The following DNAJB13 variants were observed in gnomAD, a reference collection of about 807,000 sequenced individuals.
DNAJB13 encodes DnaJ heat shock protein family (Hsp40) member B13.
A neutral mutation model predicts 35.6 loss-of-function variants in DNAJB13; 22 were observed. The observed-to-expected ratio is 0.62, with a 90% CI of 0.44 to 0.88. DNAJB13 has a LOEUF of 0.88. Ranked by LOEUF, DNAJB13 falls within the 40% of genes least tolerant of loss-of-function variation. The pLI is 0.00. For missense variants in DNAJB13, 370 were observed against 384.3 expected (o/e 0.96, Z 0.31); for synonymous variants, 136 against 144.2 (o/e 0.94, Z 0.41).
chr11:73,967,289 C>A (rs946441645), intron 5 of DNAJB13, among the ~76,000 whole-genome samples: 2 of 152,170 alleles, frequency 1.3e-5, no homozygotes, highest in Non-Finnish European at 2.9e-5. Context: ...AGCCACCGTG[C>A]CTGGCCTATT....
At position 73,958,558 on chromosome 11, in the gene DNAJB13, C is replaced by T. The variant is rs1950827398; in HGVS notation, c.172+138C>T. On this transcript the variant is annotated intron_variant, in intron 2 of 7. Transcript: ENST00000339764. ...CTAGAATCTAGACACACAGAGAAGACAGAATACGGACCCGCCTTTCTCAGT... is the reference window on the plus strand; with the variant it reads ...CTAGAATCTAGACACACAGAGAAGATAGAATACGGACCCGCCTTTCTCAGT... The T allele has an allele frequency of 9.5e-6, 8 of 837,852 alleles. No homozygotes were observed. In the South Asian group the frequency reaches 1.0e-4, roughly 11 times the overall value. The allele number at this position is 837,852 out of a possible 1,614,324, so 51.9% of individuals were successfully genotyped here.
In DNAJB13 at chr11:73,964,930, G is replaced by A. The variant is rs1181505585; in HGVS notation, c.387G>A (p.Gln129=). The A allele has an allele frequency of 1.2e-6, 2 of 1,613,614 alleles. No homozygotes were observed. Among genetic ancestry groups the A allele is most frequent in the African/African-American group, 2.7e-5 (2 of 74,858 alleles). Residue 129 remains glutamine (Q), a synonymous_variant, in exon 4 of 8, where the codon CAG becomes CAA. Transcript: ENST00000339764. ...TAGATTTGAACTTTGGGGGGCTCCA[G>A]GGCCGAGGGGTCAAGAAGCAGGACC... ...SEVDLNFGGL[Q]GRGVKKQDPQ...
intron 2 of DNAJB13, 34 bp downstream of exon 2, chr11:73,958,454 T>C: frequency 6.3e-7 from 1 of 1,584,816 alleles, no homozygotes; most frequent in Non-Finnish European, 8.7e-7. Flanking sequence ...CCCCGCTTGA[T>C]TAGGATCATT....
chr11:73,966,975 C>G (rs1951134719), intron 5 of DNAJB13, among the ~76,000 whole-genome samples: 1 of 151,630 alleles, frequency 6.6e-6, no homozygotes, highest in East Asian at 1.9e-4. Context: ...GCCTCAGCTT[C>G]CCCAGTAGCT....
At chr11:73,955,693 G>C (rs1349331553) in intron 1 of DNAJB13, among the ~76,000 whole-genome samples, 4 of 152,092 alleles carry the variant, frequency 2.6e-5, no homozygotes, top group Non-Finnish European at 5.9e-5. Context: ...CAGGTGTGGT[G>C]GTGGGCACCT....
chr11:73,964,812 T>TGCGCGCGCGCGCGCGC lies in DNAJB13; in HGVS notation c.335-54_335-53insGCGCGCGCGCGCGCGC, dbSNP rs1350955423. 4.6e-6 allele frequency: 3 copies of TGCGCGCGCGCGCGCGC among 656,216 alleles called. No individual in the cohort carries two copies. The African/African-American group carries it at 6.8e-5, about 15-fold the overall frequency. The allele number at this position is 656,216 out of a possible 1,614,324, so 40.6% of individuals were successfully genotyped here. On this transcript the variant is annotated intron_variant, in intron 3 of 7. Coordinates refer to ENST00000339764, the MANE Select transcript of DNAJB13 (RefSeq NM_153614.4). ...GTGTGTGTGTGTGTGTGTGTGTGTG[T>TGCGCGCGCGCGCGCGC]GCGCGCGCGCGCATGTCTGGGTCTC...
At chr11:73,968,501 T>A (rs1391811990) in intron 6 of DNAJB13, 43 bp downstream of exon 6, 2 of 1,555,204 alleles carry the variant, frequency 1.3e-6, no homozygotes, top group Non-Finnish European at 1.8e-6. Flanking sequence ...GAGATCAGAG[T>A]GAGCCCTGCC....
chr11:73,961,981 G>A (rs1346331982), intron 3 of DNAJB13, among the ~76,000 whole-genome samples: 2 of 152,002 alleles, frequency 1.3e-5, no homozygotes, highest in African/African-American at 4.8e-5. Flanking sequence ...GTAGAGATGG[G>A]GTTTCCACTC....
chr11:73,967,939 C>T (rs751252911), intron 5 of DNAJB13: 8 of 287,170 alleles, frequency 2.8e-5, no homozygotes, highest in South Asian at 2.4e-4. Flanking sequence ...CTGTCCCCAG[C>T]GCCCAGAAGA....
At chr11:73,954,844 G>A (rs1241980977) in intron 1 of DNAJB13, among the ~76,000 whole-genome samples, 4 of 151,898 alleles carry the variant, frequency 2.6e-5, no homozygotes, top group South Asian at 4.1e-4. Context: ...CCAGCTACGC[G>A]GGAGGCTGAG....
At chr11:73,967,995 T>C in intron 5 of DNAJB13, 1 of 422,366 alleles carries the variant, frequency 2.4e-6, no homozygotes, top group South Asian at 6.6e-5. Flanking sequence ...GGGACAGGGG[T>C]GTCATGCCTG....
chr11:73,953,787 T>A (rs1336300170), intron 1 of DNAJB13, among the ~76,000 whole-genome samples: 1 of 151,770 alleles, frequency 6.6e-6, no homozygotes, highest in Non-Finnish European at 1.5e-5. Flanking sequence ...ATGGTCGCTC[T>A]CTTCCCTCAA....
At position 73,968,514 on chromosome 11, in the gene DNAJB13, C is replaced by T. The variant is rs1253775289; in HGVS notation, c.720+56C>T. 3 of 1,486,738 alleles carry T rather than the reference C, an allele frequency of 2.0e-6. 1 individual carries two copies. In the South Asian group the frequency reaches 3.7e-5, roughly 18 times the overall value. The allele number at this position is 1,486,738 out of a possible 1,614,324, so 92.1% of individuals were successfully genotyped here. A position where few individuals can be genotyped will look rare whatever the true frequency, so the allele number is the denominator to read the frequency against. ...AGGAGATCAGAGTGAGCCCTGCCTGCCCCGGCCTAGACTTGGCCTCCCCTC... is the reference window on the plus strand; with the variant it reads ...AGGAGATCAGAGTGAGCCCTGCCTGTCCCGGCCTAGACTTGGCCTCCCCTC... On this transcript the variant is annotated intron_variant, in intron 6 of 7. Coordinates refer to ENST00000339764, the MANE Select transcript of DNAJB13 (RefSeq NM_153614.4).
At chr11:73,958,163 G>C (rs542390444) in intron 1 of DNAJB13, among the ~76,000 whole-genome samples, 154 bp from the exon 2 acceptor site, 139 of 152,332 alleles carry the variant, frequency 9.1e-4, no homozygotes, top group African/African-American at 3.0e-3. Context: ...TACTCTTCAA[G>C]AGCTGAGCAG....
rs752513657 is a variant in DNAJB13 at position 73,964,874 on chromosome 11, G to A, written c.335-4G>A. On this transcript the variant is annotated splice_polypyrimidine_tract_variant and splice_region_variant and intron_variant, in intron 3 of 7. Coordinates refer to ENST00000339764, the MANE Select transcript of DNAJB13 (RefSeq NM_153614.4). Reference sequence around the variant, plus strand: ...TCTCTTACTCCTCTCCCTACCTCCTGCAGAGTTTTTTGATGCAGAAGGAAG... The same window carrying A: ...TCTCTTACTCCTCTCCCTACCTCCTACAGAGTTTTTTGATGCAGAAGGAAG... The A allele has an allele frequency of 1.5e-5, 24 of 1,610,212 alleles. No homozygotes were observed. Among genetic ancestry groups the A allele is most frequent in the Middle Eastern group, 1.8e-4 (1 of 5,434 alleles).
chr11:73,967,482 C>T (rs1320932758), intron 5 of DNAJB13, among the ~76,000 whole-genome samples: 2 of 152,122 alleles, frequency 1.3e-5, no homozygotes, highest in Non-Finnish European at 2.9e-5. Context: ...TGGTGGCTCA[C>T]ACTTATAGCC....
chr11:73,964,796 TGTGTGTGTGTGTGTGTGC>T lies in DNAJB13; in HGVS notation c.335-80_335-63del, dbSNP rs760529530. 30 of 1,006,258 alleles carry T rather than the reference TGTGTGTGTGTGTGTGTGC, an allele frequency of 3.0e-5. 2 individuals are homozygous for T. The African/African-American group carries it at 3.5e-4, about 12-fold the overall frequency. The allele number at this position is 1,006,258 out of a possible 1,614,324, so 62.3% of individuals were successfully genotyped here. A position where few individuals can be genotyped will look rare whatever the true frequency, so the allele number is the denominator to read the frequency against. On this transcript the variant is annotated intron_variant, in intron 3 of 7. Transcript: ENST00000339764. ...GTGTGTGTGTGTGTGTGTGTGTGTG[TGTGTGTGTGTGTGTGTGC>T]GCGCGCGCGCATGTCTGGGTCTCTG...
chr11:73,966,125 T>A lies in DNAJB13; in HGVS notation c.493-13T>A. 6.2e-7 allele frequency: 1 copy of A among 1,608,390 alleles called. No homozygotes were observed. Among genetic ancestry groups the A allele is most frequent in the Non-Finnish European group, 8.5e-7 (1 of 1,177,264 alleles). On this transcript the variant is annotated splice_polypyrimidine_tract_variant and intron_variant, in intron 4 of 7. Coordinates refer to ENST00000339764, the MANE Select transcript of DNAJB13 (RefSeq NM_153614.4). ...CCTAAGCAGACCTCCCCACACCTGA[T>A]ATGTTGCTATAGGTGCTGAACGAGG...
At chr11:73,953,240 G>T (rs1950629605) in intron 1 of DNAJB13, among the ~76,000 whole-genome samples, 1 of 151,928 alleles carries the variant, frequency 6.6e-6, no homozygotes, top group Non-Finnish European at 1.5e-5. Flanking sequence ...AATAAAAATG[G>T]CTGGGCCGGG....
Sources: gnomAD v4.1 joint callset for allele counts (sites outside exome capture counted in the v4.1 genomes callset) on GRCh38, gnomAD v4.1.1 for gene constraint, MANE v1.5 for transcripts, NCBI Gene and HGNC (gene_info 2026-07-23, HGNC 2026-07-21) for gene names.